CSMD1: variants seen among roughly 807,000 people sequenced by gnomAD.
The protein encoded by CSMD1 is CUB and sushi domain-containing protein 1.
In CSMD1, 213 loss-of-function variants were observed where a neutral mutation model predicts 417.5. The ratio of observed to expected loss-of-function variants is 0.51; its 90% CI spans 0.46 to 0.57. CSMD1 has a LOEUF of 0.57. CSMD1 is among the 20% of genes least tolerant of loss of function. The pLI is 0.00. For synonymous variants in CSMD1, 2,862 were observed against 1,736.8 expected (o/e 1.65, Z -16.11); for missense variants, 6,923 against 4,529.7 (o/e 1.53, Z -15.17).
At chr8:4,137,256 G>C (rs1467241920) in intron 3 of CSMD1, among the ~76,000 whole-genome samples, 2 of 152,280 alleles carry the variant, frequency 1.3e-5, no homozygotes, top group Admixed American at 6.5e-5. Context: ...TGGTAGCTAT[G>C]AGAAATTGAT....
At chr8:4,847,018 C>T (rs1025520964) in intron 1 of CSMD1, among the ~76,000 whole-genome samples, 5 of 151,890 alleles carry the variant, frequency 3.3e-5, no homozygotes, top group African/African-American at 4.8e-5. Flanking sequence ...GTAGAAGAAA[C>T]AACTTGTGTT....
intron 2 of CSMD1, among the ~76,000 whole-genome samples, chr8:4,613,798 G>A (rs1175254543): frequency 6.8e-6 from 1 of 147,788 alleles, no homozygotes; most frequent in South Asian, 2.2e-4. Context: ...CAGGGACTGG[G>A]ATTCACATGG....
At chr8:3,070,104 G>T (rs1465788590) in intron 49 of CSMD1, among the ~76,000 whole-genome samples, 1 of 152,196 alleles carries the variant, frequency 6.6e-6, no homozygotes, top group Admixed American at 6.5e-5. Flanking sequence ...GGGCCGTAGG[G>T]CCCTGGGCCT....
At chr8:4,314,251 T>C (rs1462718620) in intron 3 of CSMD1, among the ~76,000 whole-genome samples, 8 of 152,042 alleles carry the variant, frequency 5.3e-5, no homozygotes, top group Admixed American at 6.6e-5. Context: ...CCACATGGAA[T>C]ACAACAGCAC....
At chr8:4,172,187 A>C (rs1391483343) in intron 3 of CSMD1, among the ~76,000 whole-genome samples, 1 of 152,158 alleles carries the variant, frequency 6.6e-6, no homozygotes, top group African/African-American at 2.4e-5. Flanking sequence ...TTAATGAGAA[A>C]AACTCTACGC....
intron 10 of CSMD1, among the ~76,000 whole-genome samples, chr8:3,524,018 TGCACAC>T (rs1797639361): frequency 9.7e-6 from 1 of 103,214 alleles, no homozygotes; most frequent in African/African-American, 4.4e-5. Flanking sequence ...CATGTGCACG[TGCACAC>T]ACACACACAT....
intron 41 of CSMD1, among the ~76,000 whole-genome samples, chr8:3,135,807 G>C (rs1474548922): frequency 2.0e-5 from 3 of 152,192 alleles, no homozygotes; most frequent in Admixed American, 6.6e-5. Flanking sequence ...CACCAAGAAA[G>C]TGTTCCCAAA....
intron 1 of CSMD1, among the ~76,000 whole-genome samples, chr8:4,980,307 G>C (rs377581764): frequency 5.3e-5 from 8 of 152,252 alleles, no homozygotes; most frequent in African/African-American, 1.9e-4. Flanking sequence ...GTAGCCACAA[G>C]GGCTGTGTGC....
chr8:4,749,920 G>A (rs1011318636), intron 1 of CSMD1, among the ~76,000 whole-genome samples: 2 of 151,696 alleles, frequency 1.3e-5, no homozygotes, highest in Admixed American at 6.6e-5. Context: ...ATTGTCAAGC[G>A]CCACTAATAG....
chr8:3,815,151 T>C (rs758793851), intron 5 of CSMD1, among the ~76,000 whole-genome samples: 8 of 152,188 alleles, frequency 5.3e-5, no homozygotes, highest in Non-Finnish European at 8.8e-5. Context: ...CTCCCAGATA[T>C]AGGGTGAGAA....
intron 25 of CSMD1, among the ~76,000 whole-genome samples, chr8:3,304,028 C>G (rs536390218): frequency 5.3e-5 from 8 of 152,156 alleles, no homozygotes; most frequent in Non-Finnish European, 8.8e-5. Context: ...TGCTCTGGGC[C>G]TCAATGAAAT....
chr8:3,065,974 T>C (rs1454201969), intron 49 of CSMD1, among the ~76,000 whole-genome samples: 1 of 152,098 alleles, frequency 6.6e-6, no homozygotes, highest in African/African-American at 2.4e-5. Context: ...AAATAAACTA[T>C]AAGCACAATG....
At chr8:4,351,404 G>A (rs983493372) in intron 3 of CSMD1, among the ~76,000 whole-genome samples, 1 of 152,126 alleles carries the variant, frequency 6.6e-6, no homozygotes, top group African/African-American at 2.4e-5. Context: ...AGCCCATGCT[G>A]GCTGTTATAC....
At chr8:3,987,260 C>T (rs1185293841) in intron 5 of CSMD1, among the ~76,000 whole-genome samples, 2 of 152,210 alleles carry the variant, frequency 1.3e-5, no homozygotes, top group Non-Finnish European at 2.9e-5. Context: ...TCAAAGGCTA[C>T]ACACAGCCCA....
intron 12 of CSMD1, among the ~76,000 whole-genome samples, chr8:3,463,441 C>T (rs780588748): frequency 6.6e-6 from 1 of 152,194 alleles, no homozygotes; most frequent in Non-Finnish European, 1.5e-5. Flanking sequence ...ACTGAGCATT[C>T]CCACAACATG....
chr8:4,744,096 G>A (rs949955954), intron 1 of CSMD1, among the ~76,000 whole-genome samples: 1 of 152,186 alleles, frequency 6.6e-6, no homozygotes, highest in South Asian at 2.1e-4. Context: ...GTATGAGCAG[G>A]AGCTAATACA....
chr8:4,773,023 C>G (rs114571648), intron 1 of CSMD1, among the ~76,000 whole-genome samples: 50 of 152,226 alleles, frequency 3.3e-4, no homozygotes, highest in African/African-American at 1.2e-3. Flanking sequence ...AAGAAATGCT[C>G]ATACAGGTTG....
intron 1 of CSMD1, among the ~76,000 whole-genome samples, chr8:4,841,651 C>T (rs537208176): frequency 6.6e-6 from 1 of 152,030 alleles, no homozygotes; most frequent in African/African-American, 2.4e-5. Flanking sequence ...TGGCTCACGC[C>T]TGTAATCCCA....
chr8:4,020,685 T>A (rs189049989), intron 4 of CSMD1, among the ~76,000 whole-genome samples: 5 of 152,350 alleles, frequency 3.3e-5, no homozygotes, highest in Admixed American at 3.3e-4. Context: ...GCTGTTTTCA[T>A]TTTACTCCCT....
Sources: allele counts gnomAD v4.1 joint callset (sites outside exome capture counted in the v4.1 genomes callset), GRCh38; gene constraint gnomAD v4.1.1; transcripts MANE v1.5; gene names NCBI Gene and HGNC (gene_info 2026-07-23, HGNC 2026-07-21).